The following SIK3 variants were observed in gnomAD, a reference collection of about 807,000 sequenced individuals.
SIK3 encodes the protein SIK family kinase 3.
SIK3 carries 28 observed loss-of-function variants against 144.2 expected under a neutral mutation model. The ratio of observed to expected loss-of-function variants is 0.19; its 90% CI spans 0.14 to 0.27. SIK3 has a LOEUF of 0.27. Among genes scored for constraint, SIK3 ranks in the 10% least tolerant of loss-of-function variants. SIK3 has a pLI of 1.00. For missense variants in SIK3, 1,319 were observed against 1,776.0 expected (o/e 0.74, Z 4.62); for synonymous variants, 686 against 676.3 (o/e 1.01, Z -0.22).
intron 3 of SIK3, among the ~76,000 whole-genome samples, chr11:116,944,618 C>T (rs1413808437): frequency 6.6e-6 from 1 of 152,206 alleles, no homozygotes; most frequent in Non-Finnish European, 1.5e-5. Flanking sequence ...GAAAGGACAA[C>T]AAAAGTTCTG....
At chr11:117,052,635 T>C (rs943365761) in intron 1 of SIK3, among the ~76,000 whole-genome samples, 16 of 152,228 alleles carry the variant, frequency 1.1e-4, no homozygotes, top group South Asian at 2.1e-4. Context: ...AAAAGTCTTA[T>C]AGCAGCCTTT....
intron 1 of SIK3, among the ~76,000 whole-genome samples, chr11:116,962,949 G>C (rs1949400739): frequency 6.6e-6 from 1 of 151,080 alleles, no homozygotes; most frequent in East Asian, 1.9e-4. Context: ...TCTTTCTCTT[G>C]GACGGCACTG....
intron 1 of SIK3, among the ~76,000 whole-genome samples, chr11:117,068,130 C>T (rs2135986271): frequency 6.6e-6 from 1 of 152,218 alleles, no homozygotes; most frequent in African/African-American, 2.4e-5. Flanking sequence ...CAAAAGCCTG[C>T]AACTAAGAAT....
chr11:117,084,889 T>C (rs1336122239), intron 1 of SIK3, among the ~76,000 whole-genome samples: 1 of 152,056 alleles, frequency 6.6e-6, no homozygotes, highest in Non-Finnish European at 1.5e-5. Context: ...TTATAGATAA[T>C]GAATTATGGG....
intron 6 of SIK3, among the ~76,000 whole-genome samples, chr11:116,882,831 T>C (rs1205234804): frequency 6.6e-6 from 1 of 152,234 alleles, no homozygotes; most frequent in Non-Finnish European, 1.5e-5. Context: ...TGTTTACTTC[T>C]TAGTAATGAA....
intron 4 of SIK3, among the ~76,000 whole-genome samples, chr11:116,907,775 G>T (rs550025557): frequency 1.3e-5 from 2 of 152,080 alleles, no homozygotes; most frequent in Non-Finnish European, 2.9e-5. Flanking sequence ...GGAATACTGC[G>T]TCAAGTTTCT....
chr11:116,922,565 T>C (rs1435279927), intron 4 of SIK3, among the ~76,000 whole-genome samples: 2 of 152,030 alleles, frequency 1.3e-5, no homozygotes, highest in Non-Finnish European at 2.9e-5. Flanking sequence ...GGCAGGAGAA[T>C]CGCTTGAGGC....
chr11:116,943,243 G>A (rs1410261849), intron 3 of SIK3, among the ~76,000 whole-genome samples: 1 of 152,002 alleles, frequency 6.6e-6, no homozygotes, highest in Non-Finnish European at 1.5e-5. Flanking sequence ...AAGAAAAAAA[G>A]GTAATTAGCT....
intron 1 of SIK3, among the ~76,000 whole-genome samples, chr11:116,957,776 T>C (rs1949194796): frequency 6.6e-6 from 1 of 152,200 alleles, no homozygotes; most frequent in African/African-American, 2.4e-5. Context: ...AATTTACACC[T>C]AGTATGTGGC....
At chr11:116,974,232 A>C (rs1484418243) in intron 1 of SIK3, among the ~76,000 whole-genome samples, 1 of 152,198 alleles carries the variant, frequency 6.6e-6, no homozygotes, top group African/African-American at 2.4e-5. Context: ...ATTCAGTCTT[A>C]AATTGTTTTG....
In SIK3 at chr11:116,858,586, A is replaced by G; in HGVS notation, c.2879T>C (p.Val960Ala). 6.2e-7 allele frequency: 1 copy of G among 1,612,796 alleles called. No homozygotes were observed. The highest frequency in any genetic ancestry group is 8.5e-7 in the Non-Finnish European group (1 of 1,179,598). Residue 960 changes from valine to alanine, a missense_variant, in exon 21 of 25, where the codon GTG becomes GCG. Around this residue, in one of 8 missense-constraint regions of SIK3, gnomAD observed 646 missense variants for 763.7 expected, o/e 0.85. Transcript: ENST00000445177. This position sits in a 1 kb window ranked among gnomAD's most constrained non-coding sequence, Gnocchi z 5.4. Reference sequence around the variant, plus strand: ...CAGGGCTTGGGTTGGAGAGAACCCCACTCCTGTTGAAGGGCTGTAGCTGCT... The same window carrying G: ...CAGGGCTTGGGTTGGAGAGAACCCCGCTCCTGTTGAAGGGCTGTAGCTGCT... ...SPSSYSPSTG[V>A]GFSPTQALKV...
At chr11:116,951,797 G>T (rs558776447) in intron 3 of SIK3, among the ~76,000 whole-genome samples, 1 of 151,964 alleles carries the variant, frequency 6.6e-6, no homozygotes, top group Non-Finnish European at 1.5e-5. Context: ...AGCCTGGCAT[G>T]GTGGTGTATA....
At chr11:117,012,882 C>T (rs1224701267) in intron 1 of SIK3, among the ~76,000 whole-genome samples, 6 of 114,910 alleles carry the variant, frequency 5.2e-5, no homozygotes, top group African/African-American at 2.0e-4. Flanking sequence ...GACAGAGTCT[C>T]GCTCTGTTGC....
intron 3 of SIK3, among the ~76,000 whole-genome samples, chr11:116,945,207 C>T (rs1332629291): frequency 6.6e-6 from 1 of 152,078 alleles, no homozygotes; most frequent in African/African-American, 2.4e-5. Flanking sequence ...GATCCGCCCG[C>T]CTCAGCCTCC....
intron 1 of SIK3, among the ~76,000 whole-genome samples, chr11:117,027,984 C>G (rs1297250080): frequency 1.3e-5 from 2 of 152,132 alleles, no homozygotes; most frequent in African/African-American, 4.8e-5. Flanking sequence ...GCATGTGCAG[C>G]CTACATATAG....
chr11:117,052,738 G>T (rs575476603), intron 1 of SIK3, among the ~76,000 whole-genome samples: 4 of 152,204 alleles, frequency 2.6e-5, no homozygotes, highest in African/African-American at 9.7e-5. Flanking sequence ...CATGCTGTCA[G>T]TTACAATCTA....
intron 1 of SIK3, among the ~76,000 whole-genome samples, chr11:117,011,252 T>C (rs190801510): frequency 6.6e-6 from 1 of 152,300 alleles, no homozygotes; most frequent in African/African-American, 2.4e-5. Context: ...CTGCAAACTT[T>C]CTGCATTAAG....
chr11:116,856,679 T>A (rs1037885693), intron 21 of SIK3, among the ~76,000 whole-genome samples: 4 of 152,340 alleles, frequency 2.6e-5, no homozygotes, highest in Middle Eastern at 6.8e-3. Flanking sequence ...AAGGTCAGGA[T>A]TGAATTGGCA....
intron 1 of SIK3, among the ~76,000 whole-genome samples, chr11:117,076,448 C>T (rs1169104914): frequency 6.6e-6 from 1 of 152,112 alleles, no homozygotes; most frequent in Non-Finnish European, 1.5e-5. Flanking sequence ...CTTCCGAAAC[C>T]TTTCAGAACA....
Sources: gnomAD v4.1 joint callset for allele counts (sites outside exome capture counted in the v4.1 genomes callset) on GRCh38, gnomAD v4.1.1 for gene constraint, gnomAD v4.1.1 regional missense constraint, Gnocchi (gnomAD v3.1) non-coding constraint, MANE v1.5 for transcripts, NCBI Gene and HGNC (gene_info 2026-07-23, HGNC 2026-07-21) for gene names.